SCHIP1: variants seen among roughly 807,000 people sequenced by gnomAD.
The protein encoded by SCHIP1 is schwannomin interacting protein 1, also known as schwannomin-interacting protein 1.
SCHIP1 carries 8 observed loss-of-function variants against 29.7 expected under a neutral mutation model. The observed-to-expected ratio is 0.27, with a 90% CI of 0.16 to 0.49. The LOEUF is 0.49. Ranked by LOEUF, SCHIP1 falls within the 20% of genes least tolerant of loss-of-function variation. The pLI is 0.99. For missense variants in SCHIP1, 193 were observed against 294.6 expected (o/e 0.66, Z 2.52); for synonymous variants, 76 against 94.9 (o/e 0.80, Z 1.16).
chr3:159,492,245 G>T, the SCHIP1 span, among the ~76,000 whole-genome samples: 1 of 152,190 alleles, frequency 6.6e-6, no homozygotes, highest in Admixed American at 6.5e-5. Context: ...AACAAAGCTG[G>T]ACAGAGAATG....
chr3:159,362,448 T>C, the SCHIP1 span, among the ~76,000 whole-genome samples: 1 of 152,220 alleles, frequency 6.6e-6, no homozygotes, highest in South Asian at 2.1e-4. Flanking sequence ...GTTTGGATTA[T>C]TAAGTTGCCC....
At chr3:159,276,730 A>G in the SCHIP1 span, among the ~76,000 whole-genome samples, 1 of 152,192 alleles carries the variant, frequency 6.6e-6, no homozygotes, top group African/African-American at 2.4e-5. Context: ...CACATTGCTG[A>G]AAGTCCAGGA....
the SCHIP1 span, among the ~76,000 whole-genome samples, chr3:159,621,945 C>T: frequency 3.9e-5 from 6 of 152,228 alleles, no homozygotes; most frequent in East Asian, 5.8e-4. Context: ...GGATTACAGG[C>T]GTGAGCCACT....
intron 1 of SCHIP1, among the ~76,000 whole-genome samples, chr3:159,858,377 A>T (rs1045339141): frequency 6.6e-6 from 1 of 151,744 alleles, no homozygotes; most frequent in African/African-American, 2.4e-5. Context: ...TGCACCTTAG[A>T]CTCCTTCACT....
chr3:159,670,391 C>G, the SCHIP1 span, among the ~76,000 whole-genome samples: 1 of 152,112 alleles, frequency 6.6e-6, no homozygotes, highest in African/African-American at 2.4e-5. Context: ...TGCACTTTTA[C>G]AAAGTATATC....
chr3:159,837,520 C>T (rs1018335867), upstream of SCHIP1, among the ~76,000 whole-genome samples: 7 of 152,030 alleles, frequency 4.6e-5, no homozygotes, highest in Admixed American at 1.3e-4. Flanking sequence ...ATCAGGAGTT[C>T]GAGACCAGCC....
At chr3:159,775,894 A>G in the SCHIP1 span, among the ~76,000 whole-genome samples, 1 of 152,240 alleles carries the variant, frequency 6.6e-6, no homozygotes, top group Non-Finnish European at 1.5e-5. Context: ...GCAGTGTTGT[A>G]AATTTAGATT....
At chr3:159,363,107 C>T in the SCHIP1 span, among the ~76,000 whole-genome samples, 1 of 152,158 alleles carries the variant, frequency 6.6e-6, no homozygotes, top group East Asian at 1.9e-4. Flanking sequence ...TCTTCTTACT[C>T]TCCCTTGAGT....
At chr3:159,872,268 A>G (rs536162907) in intron 2 of SCHIP1, among the ~76,000 whole-genome samples, 3 of 152,240 alleles carry the variant, frequency 2.0e-5, no homozygotes, top group African/African-American at 4.8e-5. Context: ...TAATAGCACA[A>G]ATATGTTGAT....
At chr3:159,582,785 TATAC>T in the SCHIP1 span, among the ~76,000 whole-genome samples, 69 of 80,500 alleles carry the variant, frequency 8.6e-4, no homozygotes, top group South Asian at 3.0e-3. Context: ...GAAATATATA[TATAC>T]ACACACACAC....
the SCHIP1 span, among the ~76,000 whole-genome samples, chr3:159,771,809 T>C: frequency 0.011 from 1,618 of 152,306 alleles, 27 homozygotes; most frequent in African/African-American, 0.037. Context: ...TAAGTTATTA[T>C]TGGATGGAGC....
chr3:159,579,571 G>A, the SCHIP1 span, among the ~76,000 whole-genome samples: 1 of 152,186 alleles, frequency 6.6e-6, no homozygotes, highest in South Asian at 2.1e-4. Context: ...GGCCCAGATA[G>A]GAGACAAAAA....
At chr3:159,857,302 C>T (rs1242440153) in intron 1 of SCHIP1, among the ~76,000 whole-genome samples, 2 of 152,164 alleles carry the variant, frequency 1.3e-5, no homozygotes, top group African/African-American at 4.8e-5. Context: ...TGCACACAAA[C>T]GTGCACACAC....
the SCHIP1 span, chr3:159,721,670 G>A: frequency 3.9e-6 from 1 of 255,882 alleles, no homozygotes. Context: ...TTGTTTCTAT[G>A]TATGAGGCTG....
chr3:159,307,486 A>T, the SCHIP1 span, among the ~76,000 whole-genome samples: 2 of 152,164 alleles, frequency 1.3e-5, no homozygotes. Context: ...AGAAAAAATA[A>T]TTGATGCCTT....
the SCHIP1 span, among the ~76,000 whole-genome samples, chr3:159,558,293 T>C: frequency 6.6e-6 from 1 of 152,230 alleles, no homozygotes; most frequent in East Asian, 1.9e-4. Context: ...CTTAAACTTT[T>C]GTAGCTTTTT....
intron 6 of SCHIP1, chr3:159,892,561 C>A: frequency 2.4e-6 from 1 of 422,500 alleles, no homozygotes; most frequent in Non-Finnish European, 4.2e-6. Flanking sequence ...ATGAGTTCTC[C>A]AAAGCACAAG....
At chr3:159,704,734 G>A in the SCHIP1 span, among the ~76,000 whole-genome samples, 5 of 152,106 alleles carry the variant, frequency 3.3e-5, no homozygotes, top group Non-Finnish European at 7.3e-5. Context: ...TTCAGATTAT[G>A]TTATTGAGGC....
At chr3:159,626,276 A>G in the SCHIP1 span, among the ~76,000 whole-genome samples, 4 of 145,556 alleles carry the variant, frequency 2.7e-5, no homozygotes, top group Non-Finnish European at 6.0e-5. Flanking sequence ...AGATAGATAG[A>G]TAGATAGATA....
Sources: allele counts gnomAD v4.1 joint callset (sites outside exome capture counted in the v4.1 genomes callset), GRCh38; gene constraint gnomAD v4.1.1; transcripts MANE v1.5; gene names NCBI Gene and HGNC (gene_info 2026-07-23, HGNC 2026-07-21).